MRTFA: variants seen among roughly 807,000 people sequenced by gnomAD.
MRTFA encodes myocardin-related transcription factor A.
A neutral mutation model predicts 83.5 loss-of-function variants in MRTFA; 20 were observed. The ratio of observed to expected loss-of-function variants is 0.24; its 90% confidence interval spans 0.17 to 0.35. The LOEUF (loss-of-function observed/expected upper bound fraction) is 0.35. Ranked by LOEUF, MRTFA falls within the 10% of genes least tolerant of loss-of-function variation. The pLI is 1.00. For missense variants in MRTFA, 1,200 were observed against 1,224.7 expected (o/e 0.98, Z 0.30); for synonymous variants, 659 against 541.2 (o/e 1.22, Z -3.02).
intron 3 of MRTFA, among the ~76,000 whole-genome samples, chr22:40,520,241 A>G (rs2054841789): frequency 6.6e-6 from 1 of 152,190 alleles, no homozygotes; most frequent in Non-Finnish European, 1.5e-5. Context: ...ATAATTCCAT[A>G]GTTTATCGCA....
chr22:40,509,551 G>A (rs2054633663), intron 3 of MRTFA, among the ~76,000 whole-genome samples: 1 of 152,144 alleles, frequency 6.6e-6, no homozygotes, highest in African/African-American at 2.4e-5. Context: ...TCATCCAGCT[G>A]GTCAAAGTTT....
intron 1 of MRTFA, among the ~76,000 whole-genome samples, chr22:40,621,203 A>G (rs1179065230): frequency 1.3e-5 from 2 of 151,820 alleles, no homozygotes; most frequent in Non-Finnish European, 1.5e-5. Context: ...AAAAAAGAAG[A>G]AGAAGACTGA....
chr22:40,512,429 A>T (rs1035607068), intron 3 of MRTFA, among the ~76,000 whole-genome samples: 1 of 152,226 alleles, frequency 6.6e-6, no homozygotes, highest in Non-Finnish European at 1.5e-5. Context: ...ACCTAGAAAC[A>T]TACCTAATGA....
intron 3 of MRTFA, among the ~76,000 whole-genome samples, chr22:40,527,359 C>T (rs1215914168): frequency 6.6e-6 from 1 of 151,660 alleles, no homozygotes; most frequent in African/African-American, 2.4e-5. Flanking sequence ...TTTAGCTTGA[C>T]GAGTGCAAGG....
intron 4 of MRTFA, among the ~76,000 whole-genome samples, chr22:40,447,020 G>A (rs1267732141): frequency 6.6e-6 from 1 of 152,132 alleles, no homozygotes; most frequent in Non-Finnish European, 1.5e-5. Context: ...GTGATGGGGT[G>A]AGGTCATTTT....
At chr22:40,435,936 C>CAA (rs201938817) in intron 4 of MRTFA, among the ~76,000 whole-genome samples, 1,228 of 106,730 alleles carry the variant, frequency 0.012, 19 homozygotes, top group African/African-American at 0.039. Context: ...AACCGTCCCC[C>CAA]AAAAAAAAAA....
intron 1 of MRTFA, among the ~76,000 whole-genome samples, chr22:40,607,812 C>T (rs1383329590): frequency 3.9e-5 from 6 of 152,110 alleles, no homozygotes; most frequent in Non-Finnish European, 1.5e-5. Context: ...TCAACTGTTC[C>T]AATTGTTTAA....
intron 2 of MRTFA, among the ~76,000 whole-genome samples, chr22:40,566,049 T>C (rs917683283): frequency 1.8e-4 from 28 of 152,118 alleles, no homozygotes; most frequent in African/African-American, 6.5e-4. Context: ...CAGCCAGCCA[T>C]GCAGAGGGAA....
intron 3 of MRTFA, among the ~76,000 whole-genome samples, chr22:40,474,914 A>G (rs1602303256): frequency 6.6e-6 from 1 of 152,034 alleles, no homozygotes. Context: ...TTTTGGCTCA[A>G]TGCAGCCTCC....
chr22:40,588,004 AG>A (rs1279632408), intron 2 of MRTFA: 1 of 206,494 alleles, frequency 4.8e-6, no homozygotes, highest in African/African-American at 2.4e-5. Flanking sequence ...ATCCATGGGA[AG>A]GTGAGAAGGC....
At chr22:40,610,252 T>C (rs780386339) in intron 1 of MRTFA, among the ~76,000 whole-genome samples, 3 of 152,078 alleles carry the variant, frequency 2.0e-5, no homozygotes, top group Non-Finnish European at 2.9e-5. Context: ...TTCACCATGT[T>C]GGGCAGGCTG....
At chr22:40,515,617 C>T (rs534251630) in intron 3 of MRTFA, among the ~76,000 whole-genome samples, 2 of 152,220 alleles carry the variant, frequency 1.3e-5, no homozygotes, top group African/African-American at 4.8e-5. Flanking sequence ...CGTTTGAACT[C>T]AGGTGGCGGA....
intron 4 of MRTFA, among the ~76,000 whole-genome samples, chr22:40,448,182 C>T (rs1036570988): frequency 2.6e-5 from 4 of 152,338 alleles, no homozygotes; most frequent in Admixed American, 1.3e-4. Context: ...TGACGGTGCA[C>T]GCCTGTAATC....
intron 11 of MRTFA, among the ~76,000 whole-genome samples, chr22:40,420,039 T>A (rs938029553): frequency 6.6e-6 from 1 of 152,212 alleles, no homozygotes. Flanking sequence ...AAGCTCCTCC[T>A]CCTGTCACTG....
At chr22:40,415,135 C>G (rs547445860) in intron 14 of MRTFA, 15 of 152,548 alleles carry the variant, frequency 9.8e-5, no homozygotes, top group African/African-American at 3.6e-4. Context: ...CTCCCTTTCT[C>G]TGCCATCCCT....
At chr22:40,441,328 C>A (rs563388233) in intron 4 of MRTFA, among the ~76,000 whole-genome samples, 1 of 152,268 alleles carries the variant, frequency 6.6e-6, no homozygotes, top group East Asian at 1.9e-4. Context: ...AGATGTGGAC[C>A]CCGCCCCTGG....
intron 3 of MRTFA, among the ~76,000 whole-genome samples, chr22:40,530,888 T>G (rs1445753318): frequency 6.6e-6 from 1 of 152,252 alleles, no homozygotes. Flanking sequence ...GATAAAATCT[T>G]GATTTAAAAG....
intron 11 of MRTFA, among the ~76,000 whole-genome samples, chr22:40,420,117 G>A (rs138977038): frequency 9.2e-5 from 14 of 152,322 alleles, no homozygotes; most frequent in East Asian, 1.9e-4. Context: ...CACGTAAGTC[G>A]AGGAAGATAA....
At position 40,419,114 on chromosome 22, in the gene MRTFA, C is replaced by T. The variant is rs1272629789; in HGVS notation, c.1624G>A (p.Val542Met). The change falls in exon 12 of 15, where the codon GTG (valine) becomes ATG (methionine). Residue 542 changes from valine to methionine, a missense_variant. By Grantham distance (21) the Val-to-Met change is conservative. Around this residue, in one of 2 missense-constraint regions of MRTFA, gnomAD observed 1,107 missense variants for 1,041.8 expected, o/e 1.06. Transcript: ENST00000355630. ...GTGGAGCCCGTGCTGCCAAACTTCA[C>T]CACCCCACTGCTGGCCACCGTGGCC... 1 of 1,592,948 alleles carries T rather than the reference C, an allele frequency of 6.3e-7. No homozygotes were observed.
Sources: allele counts gnomAD v4.1 joint callset (sites outside exome capture counted in the v4.1 genomes callset), GRCh38; gene constraint gnomAD v4.1.1; regional missense constraint gnomAD v4.1.1; transcripts MANE v1.5; gene names NCBI Gene and HGNC (gene_info 2026-07-23, HGNC 2026-07-21).